The following RLN2 variants were observed in gnomAD, a reference collection of about 807,000 sequenced individuals.
RLN2 encodes the protein prorelaxin H2.
A neutral mutation model predicts 7.3 loss-of-function variants in RLN2; 10 were observed. The ratio of observed to expected loss-of-function variants is 1.36; its 90% CI spans 0.84 to 2.31. The LOEUF is 2.31. Ranked by LOEUF, RLN2 falls within the 30% of genes most tolerant of loss-of-function variation. The probability of loss-of-function intolerance (pLI) is 0.00; values close to 1 mark genes in which losing one functional copy is unlikely to be tolerated. For synonymous variants in RLN2, 103 were observed against 82.3 expected, an observed-to-expected ratio of 1.25 and a Z score of -1.36; for missense variants, 298 against 217.6, an observed-to-expected ratio of 1.37 and a Z score of -2.32.
the RLN2 span, among the ~76,000 whole-genome samples, chr9:5,317,671 A>T: frequency 6.6e-6 from 1 of 151,976 alleles, no homozygotes; most frequent in East Asian, 1.9e-4. Flanking sequence ...TGGTTCTAAC[A>T]TACAAAGACC....
chr9:5,300,452 A>AT lies in RLN2; in HGVS notation c.212-9dup. 1 of 1,582,330 alleles carries AT rather than the reference A, an allele frequency of 6.3e-7. No individual in the cohort carries two copies. On this transcript the variant is annotated splice_polypyrimidine_tract_variant and intron_variant, in intron 1 of 1. Coordinates refer to ENST00000381627, the MANE Select transcript of RLN2 (RefSeq NM_134441.3). ...TGAAGGATGGCACAATTTCTGTTAA[A>AT]TTTAAAAAAAAAGGTGTATGTGAGG...
the RLN2 span, chr9:5,335,197 T>C: frequency 1.9e-6 from 2 of 1,060,956 alleles, no homozygotes; most frequent in East Asian, 4.9e-5. Context: ...ATCAGTGAAA[T>C]GTCATCAAGA....
At chr9:5,308,000 C>G (rs544311530), upstream of RLN2, among the ~76,000 whole-genome samples, 1 of 151,932 alleles carries the variant, frequency 6.6e-6, no homozygotes. Flanking sequence ...ATACCTGATC[C>G]CAATGACAGT....
At chr9:5,335,739 A>G in the RLN2 span, 6 of 619,592 alleles carry the variant, frequency 9.7e-6, no homozygotes, top group African/African-American at 9.3e-5. Flanking sequence ...AAGCATCCTA[A>G]TATCTAAACA....
chr9:5,335,482 T>C, the RLN2 span: 5 of 1,613,424 alleles, frequency 3.1e-6, no homozygotes, highest in East Asian at 2.2e-5. Flanking sequence ...GTAGCTCTGG[T>C]AATGATGGTT....
At chr9:5,305,400 CACAG>C (rs750447004), upstream of RLN2, among the ~76,000 whole-genome samples, 959 of 124,062 alleles carry the variant, frequency 7.7e-3, 6 homozygotes, top group African/African-American at 0.016. Context: ...CACACACACA[CACAG>C]AGAGAGAGAG....
At chr9:5,305,732 G>T (rs1260926596), upstream of RLN2, among the ~76,000 whole-genome samples, 1 of 152,024 alleles carries the variant, frequency 6.6e-6, no homozygotes, top group South Asian at 2.1e-4. Flanking sequence ...CTGGAGACAT[G>T]CAGGACATTA....
At chr9:5,312,754 G>C in the RLN2 span, among the ~76,000 whole-genome samples, 1 of 150,996 alleles carries the variant, frequency 6.6e-6, no homozygotes. Context: ...GCTGCATCCC[G>C]TAAGTTTTGG....
At chr9:5,313,048 T>C in the RLN2 span, among the ~76,000 whole-genome samples, 1 of 152,048 alleles carries the variant, frequency 6.6e-6, no homozygotes, top group South Asian at 2.1e-4. Flanking sequence ...AGAATGTGTA[T>C]TCTGCTGCTG....
At chr9:5,317,585 C>T in the RLN2 span, among the ~76,000 whole-genome samples, 2 of 150,926 alleles carry the variant, frequency 1.3e-5, no homozygotes, top group African/African-American at 4.9e-5. Flanking sequence ...AAAAACCGCA[C>T]ACACATTGTA....
At chr9:5,306,588 A>G (rs1816256504), upstream of RLN2, among the ~76,000 whole-genome samples, 1 of 152,090 alleles carries the variant, frequency 6.6e-6, no homozygotes, top group Admixed American at 6.5e-5. Flanking sequence ...CACAGTCTTT[A>G]CAGGCACAAC....
intron 1 of RLN2, chr9:5,303,948 A>T: frequency 6.1e-6 from 1 of 163,600 alleles, no homozygotes. Context: ...AGCCCTGTTC[A>T]GGTGCCCCCA....
At chr9:5,321,376 T>G in the RLN2 span, among the ~76,000 whole-genome samples, 1 of 152,032 alleles carries the variant, frequency 6.6e-6, no homozygotes, top group Admixed American at 6.6e-5. Flanking sequence ...TTCAAATACT[T>G]CTTTCCCAAA....
At position 5,300,524 on chromosome 9, in the gene RLN2, T is replaced by A. The variant is rs909339480; in HGVS notation, c.212-80A>T. On this transcript the variant is annotated intron_variant, in intron 1 of 1. Transcript: ENST00000381627. ...CTCAGAAAAACTATGAATGTTTGCA[T>A]AGACAAAAAAGCATTGCCTCAGTAT... is the stretch of plus-strand genomic sequence containing the variant. 1.2e-5 allele frequency: 11 copies of A among 935,000 alleles called. No individual in the cohort carries two copies. In the Admixed American group the frequency reaches 1.9e-4, roughly 16 times the overall value. 57.9% of individuals were successfully genotyped at this position (935,000 alleles called of 1,614,324 possible). A position where few individuals can be genotyped will look rare whatever the true frequency, so the allele number is the denominator to read the frequency against.
upstream of RLN2, among the ~76,000 whole-genome samples, chr9:5,305,404 G>C (rs201979546): frequency 0.033 from 3,186 of 97,394 alleles, 37 homozygotes; most frequent in Admixed American, 0.037. Flanking sequence ...CACACACACA[G>C]AGAGAGAGAG....
At chr9:5,328,089 A>C in the RLN2 span, among the ~76,000 whole-genome samples, 9 of 152,184 alleles carry the variant, frequency 5.9e-5, no homozygotes, top group African/African-American at 1.9e-4. Context: ...TAGGCTTCAG[A>C]AGGTTGGTAA....
the RLN2 span, among the ~76,000 whole-genome samples, chr9:5,315,949 A>T: frequency 3.5e-4 from 54 of 152,200 alleles, 1 homozygote; most frequent in South Asian, 0.011. Flanking sequence ...GAAATGCTTA[A>T]GGGAGTCTTC....
chr9:5,305,221 C>T (rs1177512628), upstream of RLN2, among the ~76,000 whole-genome samples: 1 of 151,856 alleles, frequency 6.6e-6, no homozygotes, highest in African/African-American at 2.4e-5. Context: ...TAGGCTTGTG[C>T]AGTAATGTCT....
chr9:5,305,198 A>G (rs142606745), upstream of RLN2, among the ~76,000 whole-genome samples: 21 of 152,142 alleles, frequency 1.4e-4, no homozygotes, highest in African/African-American at 4.8e-4. Context: ...TAAAATCCCC[A>G]GTAACATCAT....
Sources: gnomAD v4.1 joint callset for allele counts (sites outside exome capture counted in the v4.1 genomes callset) on GRCh38, gnomAD v4.1.1 for gene constraint, MANE v1.5 for transcripts, NCBI Gene and HGNC (gene_info 2026-07-23, HGNC 2026-07-21) for gene names.